The following LRRC66 variants were observed in gnomAD, a reference collection of about 807,000 sequenced individuals.
LRRC66 encodes the protein leucine rich repeat containing 66, also known as leucine-rich repeat-containing protein 66.
A neutral mutation model predicts 24.6 loss-of-function variants in LRRC66; 29 were observed. That is an observed-to-expected ratio of 1.18 (90% CI 0.88 to 1.61). LRRC66 has a LOEUF of 1.61. Among genes scored for constraint, LRRC66 ranks in the 40% most tolerant of loss-of-function variants. LRRC66 has a pLI of 0.00. For synonymous variants in LRRC66, 411 were observed against 397.6 expected, an observed-to-expected ratio of 1.03 and a Z score of -0.40; for missense variants, 1,124 against 1,058.0, an observed-to-expected ratio of 1.06 and a Z score of -0.87.
At chr4:52,006,309 C>A (rs975925521) in intron 2 of LRRC66, among the ~76,000 whole-genome samples, 1 of 151,958 alleles carries the variant, frequency 6.6e-6, no homozygotes, top group African/African-American at 2.4e-5. Context: ...CCCAAATGTC[C>A]AACAATGATA....
At position 52,000,096 on chromosome 4, in the gene LRRC66, A is replaced by G. The variant is rs77159760; in HGVS notation, c.667-2159T>C. Among the ~76,000 whole-genome samples, 358 of 152,348 alleles carry G rather than the reference A, an allele frequency of 2.3e-3. 1 individual carries two copies. Among genetic ancestry groups the G allele is most frequent in the African/African-American group, 8.4e-3 (351 of 41,588 alleles). The stretch of plus-strand genomic sequence containing the variant: ...TTTTTTGGTACCAAATATGTTCATC[A>G]TGTTCCAAAACCAGTTTTTAGAGAT... On this transcript the variant is annotated intron_variant, in intron 3 of 4. Coordinates refer to ENST00000682860, the MANE Select transcript of LRRC66 (RefSeq NM_001024611.3).
chr4:52,009,019 T>C (rs1212932796), intron 2 of LRRC66, among the ~76,000 whole-genome samples: 1 of 152,100 alleles, frequency 6.6e-6, no homozygotes, highest in African/African-American at 2.4e-5. Context: ...GGTTCTTATA[T>C]TACAGGCAAG....
chr4:52,009,673 C>A (rs1181087153), intron 2 of LRRC66, among the ~76,000 whole-genome samples: 1 of 152,058 alleles, frequency 6.6e-6, no homozygotes, highest in Non-Finnish European at 1.5e-5. Flanking sequence ...AACCCTGCAT[C>A]TATTAATGAA....
At chr4:52,005,484 A>C (rs1366157766) in intron 2 of LRRC66, among the ~76,000 whole-genome samples, 1 of 152,014 alleles carries the variant, frequency 6.6e-6, no homozygotes, top group Non-Finnish European at 1.5e-5. Context: ...AAATACAAAA[A>C]TTAGCCAGTA....
chr4:52,003,317 A>AAATCAGACCACCCTATTTGCAAT lies in LRRC66; in HGVS notation c.549_571dup (p.Phe191TyrfsTer4). The AAATCAGACCACCCTATTTGCAAT allele has an allele frequency of 6.2e-7, 1 of 1,613,954 alleles. No homozygotes were observed. Among genetic ancestry groups the AAATCAGACCACCCTATTTGCAAT allele is most frequent in the Middle Eastern group, 1.7e-4 (1 of 6,056 alleles). ...ATTCTCCAGTTGCAGGCAGTTGTGA[A>AAATCAGACCACCCTATTTGCAAT]AATCAGACCACCCTATTTGCAATAT... is the stretch of plus-strand genomic sequence containing the variant. On this transcript the variant is annotated stop_gained and frameshift_variant, in exon 3 of 5. Transcript: ENST00000682860. LOFTEE classifies it high-confidence loss of function.
At chr4:52,005,767 G>A (rs1005413692) in intron 2 of LRRC66, among the ~76,000 whole-genome samples, 1 of 152,014 alleles carries the variant, frequency 6.6e-6, no homozygotes, top group African/African-American at 2.4e-5. Flanking sequence ...CTGCTGCCCT[G>A]AGCACTTACT....
At chr4:52,015,330 G>GA (rs1336531965) in intron 2 of LRRC66, among the ~76,000 whole-genome samples, 24 of 145,674 alleles carry the variant, frequency 1.6e-4, no homozygotes, top group Admixed American at 1.2e-3. Context: ...GGGTTTTGAA[G>GA]AAAAAAAAAA....
rs141857920 is a variant in LRRC66 at position 52,018,032 on chromosome 4, A to G, written c.-5-414T>C. 357 of 985,436 alleles carry G rather than the reference A, an allele frequency of 3.6e-4. No homozygotes were observed. In the African/African-American group the frequency reaches 6.0e-3, roughly 16 times the overall value. 61.0% of individuals were successfully genotyped at this position (985,436 alleles called of 1,614,324 possible). A position where few individuals can be genotyped will look rare whatever the true frequency, so the allele number is the denominator to read the frequency against. On this transcript the variant is annotated intron_variant, in intron 1 of 4. Transcript: ENST00000682860. ...CTTATCTACAACATAGTAATCAACC[A>G]TGTAGTTTATTACATAAATGACAAC...
At position 51,997,783 on chromosome 4, in the gene LRRC66, C is replaced by A; in HGVS notation, c.821G>T (p.Arg274Met). The part of the protein sequence containing the change: ...VFQNFISESW[R>M]KKWNVICNRS... ...GTTGCAAATGACATTCCACTTTTTCCTCCAGGATTCAGAAATAAAATTTTG... is the reference window on the plus strand; with the variant it reads ...GTTGCAAATGACATTCCACTTTTTCATCCAGGATTCAGAAATAAAATTTTG... The change falls in exon 4 of 5, where the codon AGG becomes ATG. Residue 274 changes from arginine to methionine, a missense_variant. Transcript: ENST00000682860. 6.2e-7 allele frequency: 1 copy of A among 1,613,896 alleles called. No individual in the cohort carries two copies. Among genetic ancestry groups the A allele is most frequent in the African/African-American group, 1.3e-5 (1 of 75,020 alleles).
rs937541827 is a variant in LRRC66, at chr4:52,014,046, G to C, written c.496+3072C>G. On this transcript the variant is annotated intron_variant, in intron 2 of 4. Transcript: ENST00000682860. ...AGGCCTGCGGATCACCTGAGATCAGGAGTTCGAGACCAGCCTGACCAACAT... is the reference window on the plus strand; with the variant it reads ...AGGCCTGCGGATCACCTGAGATCAGCAGTTCGAGACCAGCCTGACCAACAT... Among the ~76,000 whole-genome samples the C allele has an allele frequency of 2.6e-5, 4 of 152,196 alleles. No homozygotes were observed. The South Asian group carries it at 8.3e-4, about 32-fold the overall frequency.
chr4:52,018,578 C>G (rs1736871055), intron 1 of LRRC66: 1 of 985,424 alleles, frequency 1.0e-6, no homozygotes, highest in Non-Finnish European at 1.2e-6. Context: ...GCCTCTGCCT[C>G]TTGACTTTCC....
chr4:52,008,941 G>A (rs1736642980), intron 2 of LRRC66, among the ~76,000 whole-genome samples: 1 of 151,940 alleles, frequency 6.6e-6, no homozygotes, highest in Non-Finnish European at 1.5e-5. Flanking sequence ...TATATATAGG[G>A]GTAAAATGTA....
intron 2 of LRRC66, among the ~76,000 whole-genome samples, chr4:52,014,414 T>C (rs190688622): frequency 1.6e-4 from 25 of 152,376 alleles, no homozygotes; most frequent in African/African-American, 6.0e-4. Flanking sequence ...TATATTTATA[T>C]TGTGACAGTT....
chr4:52,018,199 T>A (rs1736863252), intron 1 of LRRC66: 1 of 985,262 alleles, frequency 1.0e-6, no homozygotes, highest in Non-Finnish European at 1.2e-6. Context: ...ATGAAATCAT[T>A]TAGATACATA....
rs1476579560 is a variant in LRRC66, at chr4:51,994,611, G to T, written c.2411C>A (p.Pro804His). Residue 804 changes from proline (P) to histidine (H), a missense_variant, in exon 5 of 5, where the codon CCC (proline) becomes CAC (histidine). Coordinates refer to ENST00000682860, the MANE Select transcript of LRRC66 (RefSeq NM_001024611.3). ...ACTATTCCCTGGTGACCTGGGCCAG[G>T]GTGACAGGCCCTCAGATCTATCAGT... ...SDTDRSEGLS[P>H]WPRSPGNSPL... The T allele has an allele frequency of 1.2e-6, 2 of 1,614,056 alleles. No homozygotes were observed. Among genetic ancestry groups the T allele is most frequent in the African/African-American group, 2.7e-5 (2 of 74,922 alleles).
At chr4:52,010,209 C>A (rs909713255) in intron 2 of LRRC66, among the ~76,000 whole-genome samples, 1 of 152,122 alleles carries the variant, frequency 6.6e-6, no homozygotes, top group Non-Finnish European at 1.5e-5. Context: ...AAAAGACAAT[C>A]TAAGTGTCCA....
At chr4:51,996,254 T>A (rs1736315116) in intron 4 of LRRC66, 89 bp from the exon 5 acceptor site, 25 of 1,317,910 alleles carry the variant, frequency 1.9e-5, no homozygotes, top group South Asian at 3.1e-5. Context: ...TTGAAAAAAA[T>A]TCAATTTTTT....
At chr4:52,018,503 A>G (rs540385102) in intron 1 of LRRC66, 1 of 985,334 alleles carries the variant, frequency 1.0e-6, no homozygotes, top group South Asian at 4.7e-5. Context: ...TTCTGTTCTA[A>G]TGGCACTCAG....
Position 51,995,011 on chromosome 4 carries a change from G to A in LRRC66, c.2011C>T (p.Pro671Ser). ...PRDTGPSVFP[P>S]RWDSGLDVTP... ...ACATCCAGGCCACTGTCCCATCTTG[G>A]AGGAAAGACTGATGGGCCTGTGTCT... The change falls in exon 5 of 5, where the codon CCA (proline) becomes TCA (serine). Residue 671 changes from proline (P) to serine (S), a missense_variant. Pro to Ser is a moderately conservative substitution (Grantham distance 74). Coordinates refer to ENST00000682860, the MANE Select transcript of LRRC66 (RefSeq NM_001024611.3). The A allele has an allele frequency of 6.2e-7, 1 of 1,614,076 alleles. No individual in the cohort carries two copies. The highest frequency in any genetic ancestry group is 8.5e-7 in the Non-Finnish European group (1 of 1,180,026).
Sources: gnomAD v4.1 joint callset for allele counts (sites outside exome capture counted in the v4.1 genomes callset) on GRCh38, gnomAD v4.1.1 for gene constraint, MANE v1.5 for transcripts, NCBI Gene and HGNC (gene_info 2026-07-23, HGNC 2026-07-21) for gene names.